The following C11orf58 variants were observed in gnomAD, a reference collection of about 807,000 sequenced individuals.
The protein encoded by C11orf58 is chromosome 11 open reading frame 58.
In C11orf58, 5 loss-of-function variants were observed where a neutral mutation model predicts 22.7. That is an observed-to-expected ratio of 0.22 (90% confidence interval 0.12 to 0.46). The LOEUF (loss-of-function observed/expected upper bound fraction) is 0.46. Among genes scored for constraint, C11orf58 ranks in the 20% least tolerant of loss-of-function variants. The pLI is 0.99. For synonymous variants in C11orf58, 71 were observed against 70.7 expected, an observed-to-expected ratio of 1.00 and a Z score of -0.02; for missense variants, 151 against 223.3, an observed-to-expected ratio of 0.68 and a Z score of 2.06.
intron 1 of C11orf58, among the ~76,000 whole-genome samples, chr11:16,741,132 T>C (rs1848445186): frequency 6.6e-6 from 1 of 151,732 alleles, no homozygotes; most frequent in South Asian, 2.1e-4. Context: ...TAATATATAG[T>C]TGGGAAACAG....
chr11:16,753,746 CCCT>C, intron 4 of C11orf58: 1 of 395,936 alleles, frequency 2.5e-6, no homozygotes, highest in Non-Finnish European at 4.4e-6. Context: ...CTTTCTTTCC[CCCT>C]TTTTTGAGAC....
In C11orf58 at chr11:16,755,358, A is replaced by C. The variant is rs1848568455; in HGVS notation, c.*254A>C. On this transcript the variant is annotated 3_prime_UTR_variant, in exon 5 of 5. Transcript: ENST00000228136. ...CTCAACTTCCTTTCATATTAGCATC[A>C]TCAACCCTCTAATTCACCTTATGGG... 3.5e-6 allele frequency: 1 copy of C among 284,990 alleles called. No homozygotes were observed. The highest frequency in any genetic ancestry group is 6.5e-6 in the Non-Finnish European group (1 of 152,868). The allele number at this position is 284,990 out of a possible 1,614,324, so 17.7% of individuals were successfully genotyped here.
At position 16,753,875 on chromosome 11, in the gene C11orf58, T is replaced by G. The variant is rs144289347; in HGVS notation, c.318+981T>G. 1,476 of 506,620 alleles carry G rather than the reference T, an allele frequency of 2.9e-3. 8 individuals carry two copies. Among genetic ancestry groups the G allele is most frequent in the African/African-American group, 0.023 (1,143 of 50,702 alleles). The allele number at this position is 506,620 out of a possible 1,614,324, so 31.4% of individuals were successfully genotyped here. On this transcript the variant is annotated intron_variant, in intron 4 of 4. Transcript: ENST00000228136. Reference sequence around the variant, plus strand: ...CACCATGCCTAGCTAATTTTTGTATTTTTTGTAGAGACGGAGTTTTGCTAT... The same window carrying G: ...CACCATGCCTAGCTAATTTTTGTATGTTTTGTAGAGACGGAGTTTTGCTAT...
In C11orf58 at chr11:16,747,979, T is replaced by G. The variant is rs546318253; in HGVS notation, c.148-118T>G. ...GGTCCTTAAAGGCAGAGATTCTAAT[T>G]TAATCTTTTGTCTTCACTGTGTCCC... On this transcript the variant is annotated intron_variant, in intron 2 of 4. Transcript: ENST00000228136. 12 of 764,812 alleles carry G rather than the reference T, an allele frequency of 1.6e-5. No individual in the cohort carries two copies. In the African/African-American group the frequency reaches 1.9e-4, roughly 12 times the overall value. The allele number at this position is 764,812 out of a possible 1,614,324, so 47.4% of individuals were successfully genotyped here. A position where few individuals can be genotyped will look rare whatever the true frequency, so the allele number is the denominator to read the frequency against.
rs1382005681 is a variant in C11orf58 at position 16,757,749 on chromosome 11, G to C, written c.*2645G>C. Among the ~76,000 whole-genome samples the C allele has an allele frequency of 6.6e-6, 1 of 152,198 alleles. No individual in the cohort carries two copies. Reference sequence around the variant, plus strand: ...TTAAATGTTTGCCTTATATCCAAGTGTTTACTTGTATCCATGACCTAACCG... The same window carrying C: ...TTAAATGTTTGCCTTATATCCAAGTCTTTACTTGTATCCATGACCTAACCG... On this transcript the variant is annotated 3_prime_UTR_variant, in exon 5 of 5. Transcript: ENST00000228136.
chr11:16,739,175 A>G (rs1447764635), intron 1 of C11orf58, among the ~76,000 whole-genome samples: 1 of 151,886 alleles, frequency 6.6e-6, no homozygotes, highest in East Asian at 1.9e-4. Context: ...CTTTGTACTC[A>G]GTATAGAGAC....
At chr11:16,747,718 G>A in intron 2 of C11orf58, 1 of 161,468 alleles carries the variant, frequency 6.2e-6, no homozygotes, top group Non-Finnish European at 1.3e-5. Flanking sequence ...ACTTGAGGCA[G>A]CAGAAAGAGC....
intron 2 of C11orf58, 83 bp from the exon 3 acceptor site, chr11:16,748,014 G>A: frequency 1.9e-6 from 2 of 1,031,988 alleles, no homozygotes; most frequent in South Asian, 2.6e-5. Flanking sequence ...CAGAAGCCTA[G>A]AATAGTTTTC....
intron 3 of C11orf58, chr11:16,749,927 C>G (rs1326285961): frequency 6.6e-6 from 1 of 152,154 alleles, no homozygotes; most frequent in Non-Finnish European, 1.5e-5. Context: ...TGTGGCCTGC[C>G]CATTACTTAT....
rs1848454114 is a variant in C11orf58 at position 16,742,267 on chromosome 11, G to C, written c.64-2334G>C. On this transcript the variant is annotated intron_variant, in intron 1 of 4. Coordinates refer to ENST00000228136, the MANE Select transcript of C11orf58 (RefSeq NM_014267.6). ...CATCTGTCTCATTTGATCATGGACA[G>C]TATGATGTGGAAAAAACACAGGATG... 1.3e-5 allele frequency among the ~76,000 whole-genome samples: 2 copies of C among 152,190 alleles called. 1 individual carries two copies. The highest frequency in any genetic ancestry group is 4.8e-5 in the African/African-American group (2 of 41,420).
At position 16,757,976 on chromosome 11, in the gene C11orf58, G is replaced by A. The variant is rs993830259; in HGVS notation, c.*2872G>A. ...GGGGGAAATAAATTTCAGCTACCTG[G>A]TTAGCTTCAGTGACTACTTACACAC... is the stretch of plus-strand genomic sequence containing the variant. On this transcript the variant is annotated 3_prime_UTR_variant, in exon 5 of 5. Coordinates refer to ENST00000228136, the MANE Select transcript of C11orf58 (RefSeq NM_014267.6). 6.6e-6 allele frequency among the ~76,000 whole-genome samples: 1 copy of A among 152,100 alleles called. No homozygotes were observed. Among genetic ancestry groups the A allele is most frequent in the African/African-American group, 2.4e-5 (1 of 41,390 alleles).
intron 2 of C11orf58, among the ~76,000 whole-genome samples, chr11:16,745,777 A>C (rs1787014404): frequency 6.6e-6 from 1 of 152,250 alleles, no homozygotes. Context: ...CTAGATACTT[A>C]GTTTTTGTAA....
chr11:16,754,566 TTTTTTTTTTTTTTTTTTTTA>T, intron 4 of C11orf58, among the ~76,000 whole-genome samples: 1 of 100,224 alleles, frequency 1.0e-5, no homozygotes, highest in South Asian at 4.1e-4. Context: ...TTTTTTTTTT[TTTTTTTTTTTTTTTTTTTTA>T]AGAGACAGGG....
intron 1 of C11orf58, among the ~76,000 whole-genome samples, chr11:16,743,723 T>C (rs999035388): frequency 1.3e-5 from 2 of 152,154 alleles, no homozygotes; most frequent in African/African-American, 4.8e-5. Flanking sequence ...ATGAGAAAAC[T>C]AATATCTTAA....
chr11:16,745,659 G>T (rs1464624172), intron 2 of C11orf58, among the ~76,000 whole-genome samples: 1 of 152,104 alleles, frequency 6.6e-6, no homozygotes, highest in African/African-American at 2.4e-5. Context: ...AGTATAAGTG[G>T]ATCCACACAG....
Position 16,755,839 on chromosome 11 carries a change from T to C in C11orf58, c.*735T>C, listed in dbSNP as rs1269799237. ...AAACTGGATTTTTTTTTAAGTAATA[T>C]GTGACCAAAGTTAATTTTGTCCCAA... is the stretch of plus-strand genomic sequence containing the variant. On this transcript the variant is annotated 3_prime_UTR_variant, in exon 5 of 5. Transcript: ENST00000228136. 1 of 152,606 alleles carries C rather than the reference T, an allele frequency of 6.6e-6. No homozygotes were observed. Among genetic ancestry groups the C allele is most frequent in the African/African-American group, 2.4e-5 (1 of 41,442 alleles). The allele number at this position is 152,606 out of a possible 1,614,324, so 9.5% of individuals were successfully genotyped here.
At chr11:16,744,307 T>C in intron 1 of C11orf58, 1 of 305,874 alleles carries the variant, frequency 3.3e-6, no homozygotes, top group Non-Finnish European at 6.1e-6. Context: ...GCTGAATCTC[T>C]GGGGCTGTAG....
intron 3 of C11orf58, 46 bp from the exon 4 acceptor site, chr11:16,752,739 A>G: frequency 7.3e-7 from 1 of 1,364,084 alleles, no homozygotes; most frequent in Non-Finnish European, 1.0e-6. Flanking sequence ...TTTTGTGTAA[A>G]TTATTAATTT....
Position 16,746,653 on chromosome 11 carries a change from GACTA to G in C11orf58, c.148-1439_148-1436del, listed in dbSNP as rs1438210691. ...TCCTAATATAAAATATATGGAAGTT[GACTA>G]ACTAGTAAATAGGTTGTTCAGCATA... is the stretch of plus-strand genomic sequence containing the variant. On this transcript the variant is annotated intron_variant, in intron 2 of 4. Transcript: ENST00000228136. 4.6e-5 allele frequency: 7 copies of G among 152,268 alleles called. No individual in the cohort carries two copies. The East Asian group carries it at 7.7e-4, about 17-fold the overall frequency. The allele number at this position is 152,268 out of a possible 1,614,324, so 9.4% of individuals were successfully genotyped here. A position where few individuals can be genotyped will look rare whatever the true frequency, so the allele number is the denominator to read the frequency against.
Sources: gnomAD v4.1 joint callset for allele counts (sites outside exome capture counted in the v4.1 genomes callset) on GRCh38, gnomAD v4.1.1 for gene constraint, MANE v1.5 for transcripts, NCBI Gene and HGNC (gene_info 2026-07-23, HGNC 2026-07-21) for gene names.